FIRRM: variants seen among roughly 807,000 people sequenced by gnomAD.
FIRRM encodes the protein FIGNL1-interacting regulator of recombination and mitosis.
At chr1:169,830,287 G>C in the FIRRM span, 4 of 1,613,690 alleles carry the variant, frequency 2.5e-6, no homozygotes, top group Admixed American at 1.7e-5. Flanking sequence ...GCTGTACTTA[G>C]TGCTAATATG....
the FIRRM span, chr1:169,804,398 T>A: frequency 3.6e-6 from 2 of 555,460 alleles, no homozygotes; most frequent in African/African-American, 1.9e-5. Context: ...TTGGAATTTG[T>A]AAAATTTATT....
At chr1:169,791,958 T>C in the FIRRM span, among the ~76,000 whole-genome samples, 1 of 152,206 alleles carries the variant, frequency 6.6e-6, no homozygotes, top group African/African-American at 2.4e-5. Context: ...TTTCTTATTC[T>C]TTTTCCTCCT....
the FIRRM span, among the ~76,000 whole-genome samples, chr1:169,840,429 G>C: frequency 6.6e-6 from 1 of 151,542 alleles, no homozygotes; most frequent in African/African-American, 2.4e-5. Context: ...TCCTTGTAGA[G>C]ATCTTTCACC....
the FIRRM span, chr1:169,832,533 T>C: frequency 1.3e-6 from 2 of 1,541,856 alleles, no homozygotes; most frequent in Non-Finnish European, 1.8e-6. Context: ...TCTTTGTCAC[T>C]GTCTGTGAAG....
At chr1:169,839,614 T>G in the FIRRM span, among the ~76,000 whole-genome samples, 1 of 152,346 alleles carries the variant, frequency 6.6e-6, no homozygotes, top group East Asian at 1.9e-4. Flanking sequence ...TGTTCAGGTG[T>G]TTAAGTTCCT....
chr1:169,803,176 T>C, the FIRRM span: 1 of 1,613,586 alleles, frequency 6.2e-7, no homozygotes, highest in Non-Finnish European at 8.5e-7. Context: ...CAGACAATGG[T>C]GCAGCTCTTA....
the FIRRM span, among the ~76,000 whole-genome samples, chr1:169,797,618 G>T: frequency 6.6e-6 from 1 of 152,106 alleles, no homozygotes; most frequent in Non-Finnish European, 1.5e-5. Flanking sequence ...GCAGTGGTGC[G>T]ATCTCAGCTC....
chr1:169,820,793 G>C, the FIRRM span, among the ~76,000 whole-genome samples: 1 of 152,090 alleles, frequency 6.6e-6, no homozygotes, highest in Non-Finnish European at 1.5e-5. Context: ...GTCCCTACAG[G>C]GTTTGCCAGG....
chr1:169,814,497 C>T, the FIRRM span, among the ~76,000 whole-genome samples: 3 of 152,314 alleles, frequency 2.0e-5, no homozygotes, highest in East Asian at 1.9e-4. Flanking sequence ...ACCATCCCCA[C>T]GTGAGCAGTT....
chr1:169,805,489 C>T, the FIRRM span, among the ~76,000 whole-genome samples: 1 of 152,124 alleles, frequency 6.6e-6, no homozygotes, highest in African/African-American at 2.4e-5. Flanking sequence ...TTATTATTGT[C>T]CCCCGGGCCA....
chr1:169,852,070 T>C, the FIRRM span: 2 of 1,257,752 alleles, frequency 1.6e-6, no homozygotes, highest in African/African-American at 3.0e-5. Context: ...ACATGTAAAA[T>C]TCTGTTTTAT....
the FIRRM span, among the ~76,000 whole-genome samples, chr1:169,804,654 A>C: frequency 2.0e-5 from 3 of 152,184 alleles, no homozygotes; most frequent in Non-Finnish European, 4.4e-5. Context: ...CTCATTTTAC[A>C]TGTGATGCAC....
the FIRRM span, chr1:169,850,980 C>CTTTTTTTTTTTTT: frequency 3.5e-4 from 11 of 31,580 alleles, 2 homozygotes; most frequent in East Asian, 4.1e-3. Context: ...TTAGGCATGG[C>CTTTTTTTTTTTTT]TTTTTTTTTT....
At chr1:169,851,950 TCAATAGGGGC>T in the FIRRM span, 1 of 1,613,998 alleles carries the variant, frequency 6.2e-7, no homozygotes, top group Non-Finnish European at 8.5e-7. Flanking sequence ...TGGGCTGATT[TCAATAGGGGC>T]CAAACTTTAA....
the FIRRM span, among the ~76,000 whole-genome samples, chr1:169,807,001 C>G: frequency 6.6e-6 from 1 of 152,322 alleles, no homozygotes; most frequent in Non-Finnish European, 1.5e-5. Flanking sequence ...TTACCCTCTT[C>G]CAGTTCATTT....
the FIRRM span, among the ~76,000 whole-genome samples, chr1:169,841,520 C>T: frequency 6.6e-6 from 1 of 152,102 alleles, no homozygotes; most frequent in African/African-American, 2.4e-5. Flanking sequence ...TAAGACCTTC[C>T]CTGTACCCCC....
At chr1:169,853,986 T>A in the FIRRM span, 2 of 624,174 alleles carry the variant, frequency 3.2e-6, no homozygotes, top group Non-Finnish European at 5.5e-6. Context: ...AACCATAAAA[T>A]CCAGTAAAAA....
At chr1:169,795,681 C>A in the FIRRM span, 1 of 987,016 alleles carries the variant, frequency 1.0e-6, no homozygotes, top group South Asian at 4.7e-5. Flanking sequence ...GCTTTCTTAG[C>A]GTTATAAGAA....
the FIRRM span, chr1:169,793,372 A>C: frequency 1.2e-6 from 2 of 1,614,158 alleles, no homozygotes; most frequent in Non-Finnish European, 1.7e-6. Context: ...TCTTCTTTAA[A>C]TCTTTAGGCA....
Sources: gnomAD v4.1 joint callset for allele counts (sites outside exome capture counted in the v4.1 genomes callset) on GRCh38, gnomAD v4.1.1 for gene constraint, MANE v1.5 for transcripts, NCBI Gene and HGNC (gene_info 2026-07-23, HGNC 2026-07-21) for gene names.